The following ZNF469 variants were observed in gnomAD, a reference collection of about 807,000 sequenced individuals.
ZNF469 encodes zinc finger protein 469.
Under a neutral mutation model 1.0 loss-of-function variants are expected in ZNF469, and 1 was observed. The observed-to-expected ratio is 1.00, with a 90% CI of 0.35 to 4.73. The LOEUF is 4.73. ZNF469 is among the 30% of genes most tolerant of loss of function. ZNF469 has a pLI of 0.16. For synonymous variants in ZNF469, 2,703 were observed against 2,363.4 expected (o/e 1.14, Z -4.17); for missense variants, 6,100 against 5,356.3 (o/e 1.14, Z -4.33).
Position 88,428,750 on chromosome 16 carries a change from T to G in ZNF469, c.1280T>G (p.Leu427Arg). The change falls in exon 3 of 3, where the codon CTG (leucine) becomes CGG (arginine). Residue 427 changes from leucine to arginine, a missense_variant. By Grantham distance (102) the Leu-to-Arg change is moderately radical. Coordinates refer to ENST00000565624, the MANE Select transcript of ZNF469 (RefSeq NM_001367624.2). Reference sequence around the variant, plus strand: ...AGCCCGGGGCCTCCGGACACCGAGCTGGCCGCCCCAGGGCCCCCACCCGCC... The same window carrying G: ...AGCCCGGGGCCTCCGGACACCGAGCGGGCCGCCCCAGGGCCCCCACCCGCC... ...DTSPGPPDTE[L>R]AAPGPPPARL... The G allele has an allele frequency of 6.5e-7, 1 of 1,546,200 alleles. No individual in the cohort carries two copies. The highest frequency in any genetic ancestry group is 8.7e-7 in the Non-Finnish European group (1 of 1,146,174).
At position 88,427,780 on chromosome 16, in the gene ZNF469, G is replaced by A. The variant is rs1345382649; in HGVS notation, c.310G>A (p.Ala104Thr). 12 of 1,546,554 alleles carry A rather than the reference G, an allele frequency of 7.8e-6. No homozygotes were observed. Among genetic ancestry groups the A allele is most frequent in the African/African-American group, 1.4e-5 (1 of 72,996 alleles). The change falls in exon 3 of 3, where the codon GCT becomes ACT. Residue 104 changes from alanine to threonine, a missense_variant. Ala to Thr is a moderately conservative substitution (Grantham distance 58). Coordinates refer to ENST00000565624, the MANE Select transcript of ZNF469 (RefSeq NM_001367624.2). ...CCCACCGGGGAGAAGCCCCTTGCAG[G>A]CTCCCTCAAGGCTGGCGGGCAGGGC... ...QTPPGRSPLQ[A>T]PSRLAGRAEG... is the part of the protein sequence containing the mutation.
At chr16:88,222,744 C>T in the ZNF469 span, among the ~76,000 whole-genome samples, 1 of 147,492 alleles carries the variant, frequency 6.8e-6, no homozygotes, top group African/African-American at 2.5e-5. Context: ...GCAACAAGAG[C>T]GAGACTCCAT....
At chr16:88,222,477 G>A in the ZNF469 span, among the ~76,000 whole-genome samples, 1 of 152,196 alleles carries the variant, frequency 6.6e-6, no homozygotes, top group Non-Finnish European at 1.5e-5. Context: ...TTTTCCTAAG[G>A]CTGGGTGCGG....
chr16:88,390,021 G>C (rs1904441344), intron 1 of ZNF469, among the ~76,000 whole-genome samples: 1 of 152,210 alleles, frequency 6.6e-6, no homozygotes, highest in South Asian at 2.1e-4. Context: ...GTTCGTCCTT[G>C]CACAGCCTCC....
the ZNF469 span, among the ~76,000 whole-genome samples, chr16:88,291,818 G>T: frequency 6.6e-6 from 1 of 152,150 alleles, no homozygotes; most frequent in Non-Finnish European, 1.5e-5. Context: ...CTGGGCCTCA[G>T]TCTCCCTTCT....
chr16:88,113,747 GCGTCCCTTCTT>G, the ZNF469 span, among the ~76,000 whole-genome samples: 14,916 of 152,202 alleles, frequency 0.098, 847 homozygotes, highest in East Asian at 0.19. Context: ...TGTGAGGCGT[GCGTCCCTTCTT>G]CTTAATTTCA....
chr16:88,233,171 C>T, the ZNF469 span, among the ~76,000 whole-genome samples: 1 of 152,204 alleles, frequency 6.6e-6, no homozygotes, highest in African/African-American at 2.4e-5. Flanking sequence ...GCTGCTGTGG[C>T]CTGGTGAGAA....
chr16:88,211,199 C>T, the ZNF469 span, among the ~76,000 whole-genome samples: 66 of 152,320 alleles, frequency 4.3e-4, no homozygotes, highest in African/African-American at 1.5e-3. Flanking sequence ...TTAGCTCTTC[C>T]ACCTGGTTAT....
At chr16:88,322,107 C>T in the ZNF469 span, among the ~76,000 whole-genome samples, 1 of 152,230 alleles carries the variant, frequency 6.6e-6, no homozygotes, top group African/African-American at 2.4e-5. Context: ...GCTACAGCAT[C>T]ATGGAGCCAC....
the ZNF469 span, among the ~76,000 whole-genome samples, chr16:88,284,237 G>A: frequency 1.3e-5 from 2 of 152,224 alleles, no homozygotes; most frequent in African/African-American, 2.4e-5. Flanking sequence ...GCTGCCATTA[G>A]GTTTGAGCAA....
chr16:88,401,553 GCATGGGTGGATGGATGGATA>G (rs1904860212), intron 1 of ZNF469, among the ~76,000 whole-genome samples: 1 of 60,428 alleles, frequency 1.7e-5, no homozygotes, highest in Non-Finnish European at 3.5e-5. Context: ...ATGGATGGAT[GCATGGGTGGATGGATGGATA>G]CATGGGTGGA....
chr16:88,388,035 G>C (rs968193324), intron 1 of ZNF469, among the ~76,000 whole-genome samples: 2 of 152,272 alleles, frequency 1.3e-5, no homozygotes, highest in African/African-American at 2.4e-5. Context: ...GCGTTACCAA[G>C]TGGGGTGCAC....
chr16:88,317,670 C>A, the ZNF469 span, among the ~76,000 whole-genome samples: 2 of 152,256 alleles, frequency 1.3e-5, no homozygotes, highest in African/African-American at 2.4e-5. Context: ...TCTTTCCTCA[C>A]TCTGGCTTCC....
chr16:88,226,127 G>A, the ZNF469 span, among the ~76,000 whole-genome samples: 36 of 152,272 alleles, frequency 2.4e-4, no homozygotes, highest in African/African-American at 4.1e-4. Context: ...TTTCGCAGGC[G>A]TCTGTGCTGG....
chr16:88,177,638 G>T, the ZNF469 span: 1 of 152,146 alleles, frequency 6.6e-6, no homozygotes, highest in African/African-American at 2.4e-5. The surrounding 1 kb of genome is among the most constrained non-coding windows in gnomAD (Gnocchi z 4.8). Context: ...GCTTGGCTTG[G>T]CTTTTCTGTT....
the ZNF469 span, among the ~76,000 whole-genome samples, chr16:88,329,752 A>T: frequency 6.6e-6 from 1 of 152,210 alleles, no homozygotes; most frequent in Non-Finnish European, 1.5e-5. Context: ...TCTTAACAAC[A>T]TTTGTGCTGA....
the ZNF469 span, among the ~76,000 whole-genome samples, chr16:88,218,460 G>T: frequency 1.6e-4 from 25 of 151,940 alleles, no homozygotes; most frequent in African/African-American, 5.8e-4. Flanking sequence ...GATCCCATTT[G>T]TCAATTTTGT....
At chr16:88,363,313 T>G in the ZNF469 span, among the ~76,000 whole-genome samples, 1 of 152,236 alleles carries the variant, frequency 6.6e-6, no homozygotes, top group Non-Finnish European at 1.5e-5. Context: ...TTCTGGACAT[T>G]GTGAGTGACA....
At chr16:88,279,233 A>AT in the ZNF469 span, among the ~76,000 whole-genome samples, 54 of 135,998 alleles carry the variant, frequency 4.0e-4, no homozygotes, top group African/African-American at 1.3e-3. Context: ...ATATCACTGC[A>AT]CGGTTAGTGC....
Sources: allele counts gnomAD v4.1 joint callset (sites outside exome capture counted in the v4.1 genomes callset), GRCh38; gene constraint gnomAD v4.1.1; non-coding constraint Gnocchi (gnomAD v3.1); transcripts MANE v1.5; gene names NCBI Gene and HGNC (gene_info 2026-07-23, HGNC 2026-07-21).